Variants in PCDHA5 observed in about 807,000 individuals in gnomAD.
PCDHA5 encodes the protein protocadherin alpha 5, also known as protocadherin alpha-5.
In PCDHA5, 43 loss-of-function variants were observed where a neutral mutation model predicts 61.6. That is an observed-to-expected ratio of 0.70 (90% CI 0.55 to 0.90). The LOEUF (loss-of-function observed/expected upper bound fraction) is 0.90. Among genes scored for constraint, PCDHA5 ranks in the 40% least tolerant of loss-of-function variants. The pLI is 0.00. For missense variants in PCDHA5, 1,298 were observed against 1,222.7 expected, an observed-to-expected ratio of 1.06 and a Z score of -0.92; for synonymous variants, 627 against 543.9, an observed-to-expected ratio of 1.15 and a Z score of -2.13.
intron 1 of PCDHA5, among the ~76,000 whole-genome samples, chr5:140,896,927 A>G (rs1453519374): frequency 6.6e-6 from 1 of 152,212 alleles, no homozygotes; most frequent in Non-Finnish European, 1.5e-5. Flanking sequence ...TAATCACATC[A>G]TGGAAAATGG....
At chr5:140,876,343 T>A (rs1196276310) in intron 1 of PCDHA5, 2 of 1,613,854 alleles carry the variant, frequency 1.2e-6, no homozygotes, top group African/African-American at 2.7e-5. Flanking sequence ...GAGTGAGAAA[T>A]GTATGTTTTC....
intron 1 of PCDHA5, chr5:140,852,221 T>C: frequency 1.6e-6 from 1 of 623,256 alleles, no homozygotes; most frequent in Non-Finnish European, 2.1e-6. Context: ...AATATTTTAA[T>C]TTTTAAATTT....
chr5:140,879,469 G>A (rs1438617682), intron 1 of PCDHA5, among the ~76,000 whole-genome samples: 2 of 152,166 alleles, frequency 1.3e-5, no homozygotes, highest in Non-Finnish European at 2.9e-5. Context: ...AGAGAATACC[G>A]TTGTGATTGG....
chr5:140,853,310 T>C lies in PCDHA5; in HGVS notation c.2352+29183T>C, dbSNP rs2042704013. On this transcript the variant is annotated intron_variant, in intron 1 of 3. Coordinates refer to ENST00000529859, the MANE Select transcript of PCDHA5 (RefSeq NM_018908.3). ...ATTCTCAGAAGGGCTGTGAACACCT[T>C]AGTAATAAATTTATCTTTTGAGGTC... The C allele has an allele frequency of 3.0e-6, 3 of 983,796 alleles. 1 individual carries two copies. The highest frequency in any genetic ancestry group is 3.7e-6 in the Non-Finnish European group (3 of 816,256). 60.9% of individuals were successfully genotyped at this position (983,796 alleles called of 1,614,324 possible). A position where few individuals can be genotyped will look rare whatever the true frequency, so the allele number is the denominator to read the frequency against.
intron 1 of PCDHA5, among the ~76,000 whole-genome samples, chr5:140,951,775 A>G (rs1554220072): frequency 1.3e-5 from 2 of 152,164 alleles, no homozygotes; most frequent in African/African-American, 4.8e-5. Context: ...ACGTTCTTAC[A>G]TTGCAAAATA....
intron 1 of PCDHA5, among the ~76,000 whole-genome samples, chr5:140,945,632 A>G (rs1258111936): frequency 6.6e-6 from 1 of 152,168 alleles, no homozygotes; most frequent in African/African-American, 2.4e-5. Flanking sequence ...GGCATAAAAG[A>G]CATGTAGACC....
chr5:140,908,308 G>A (rs1011025623), intron 1 of PCDHA5, among the ~76,000 whole-genome samples: 19 of 152,170 alleles, frequency 1.2e-4, no homozygotes, highest in African/African-American at 4.6e-4. Context: ...AAGGAAGGGC[G>A]GCAGGAGTGG....
At chr5:140,940,994 G>A (rs1375374431) in intron 1 of PCDHA5, among the ~76,000 whole-genome samples, 1 of 152,094 alleles carries the variant, frequency 6.6e-6, no homozygotes, top group Non-Finnish European at 1.5e-5. Context: ...AAGTTTATAG[G>A]ATTAAATTTT....
intron 1 of PCDHA5, among the ~76,000 whole-genome samples, chr5:140,903,411 A>G (rs265314): frequency 0.015 from 2,274 of 152,338 alleles, 53 homozygotes; most frequent in African/African-American, 0.052. Flanking sequence ...TGCAGTCAGG[A>G]AAAATTCAGC....
chr5:140,836,547 C>CGGT, intron 1 of PCDHA5: 1 of 1,613,738 alleles, frequency 6.2e-7, no homozygotes, highest in Non-Finnish European at 8.5e-7. Context: ...CACGGCGTTG[C>CGGT]GGTGCTCAGC....
rs1008533110 is a variant in PCDHA5 at position 140,836,734 on chromosome 5, A to G, written c.2352+12607A>G. The G allele has an allele frequency of 6.2e-7, 1 of 1,605,696 alleles. No homozygotes were observed. On this transcript the variant is annotated intron_variant, in intron 1 of 3. Transcript: ENST00000529859. ...CTTCCTCAGGGTCCATCCTCTACAG[A>G]CAATGTGAGTCATAAATAATCTTGT...
At chr5:140,922,839 C>T (rs2081023123) in intron 1 of PCDHA5, among the ~76,000 whole-genome samples, 1 of 152,140 alleles carries the variant, frequency 6.6e-6, no homozygotes, top group South Asian at 2.1e-4. Context: ...TAGATGTCCT[C>T]AAAGAGACCA....
intron 1 of PCDHA5, among the ~76,000 whole-genome samples, chr5:140,873,178 T>C (rs2054146585): frequency 6.6e-6 from 1 of 152,190 alleles, no homozygotes; most frequent in Non-Finnish European, 1.5e-5. Context: ...TTTTGTATCA[T>C]AATATTCATT....
At chr5:140,880,420 A>C (rs1554171279) in intron 1 of PCDHA5, among the ~76,000 whole-genome samples, 2 of 152,230 alleles carry the variant, frequency 1.3e-5, no homozygotes, top group Non-Finnish European at 2.9e-5. Context: ...TAAAAGCGGG[A>C]ACAGTTTTTC....
intron 1 of PCDHA5, chr5:140,851,438 T>A (rs2042059755): frequency 1.1e-6 from 1 of 928,024 alleles, no homozygotes; most frequent in African/African-American, 1.8e-5. Flanking sequence ...AGAAAACAGT[T>A]GCTCCACTTT....
intron 1 of PCDHA5, chr5:140,858,284 T>C: frequency 6.3e-7 from 1 of 1,596,754 alleles, no homozygotes; most frequent in South Asian, 1.1e-5. Flanking sequence ...GGTGGGGAGC[T>C]GGTCTTACTC....
intron 1 of PCDHA5, among the ~76,000 whole-genome samples, chr5:140,975,842 T>C (rs1291239014): frequency 1.3e-5 from 2 of 152,210 alleles, no homozygotes; most frequent in Non-Finnish European, 2.9e-5. Context: ...TATTCTTCAG[T>C]AATACTACAT....
At chr5:140,917,352 C>G (rs2078160172) in intron 1 of PCDHA5, among the ~76,000 whole-genome samples, 1 of 141,764 alleles carries the variant, frequency 7.1e-6, no homozygotes, top group African/African-American at 2.6e-5. Context: ...GTGTAGGCTT[C>G]TGTTCCACTA....
chr5:140,882,877 G>A, intron 1 of PCDHA5: 1 of 1,614,208 alleles, frequency 6.2e-7, no homozygotes, highest in Non-Finnish European at 8.5e-7. Context: ...TGGACAGAGA[G>A]GAAATTCAGG....
Sources: gnomAD v4.1 joint callset for allele counts (sites outside exome capture counted in the v4.1 genomes callset) on GRCh38, gnomAD v4.1.1 for gene constraint, MANE v1.5 for transcripts, NCBI Gene and HGNC (gene_info 2026-07-23, HGNC 2026-07-21) for gene names.